The following CNTN3 variants were observed in gnomAD, a reference collection of about 807,000 sequenced individuals.
The protein encoded by CNTN3 is contactin 3, also known as contactin-3.
In CNTN3, 60 loss-of-function variants were observed where a neutral mutation model predicts 119.1. The ratio of observed to expected loss-of-function variants is 0.50; its 90% CI spans 0.41 to 0.62. CNTN3 has a LOEUF of 0.62. Ranked by LOEUF, CNTN3 falls within the 20% of genes least tolerant of loss-of-function variation. The probability of loss-of-function intolerance (pLI) is 0.00; values close to 1 mark genes in which losing one functional copy is unlikely to be tolerated. For synonymous variants in CNTN3, 450 were observed against 438.7 expected, an observed-to-expected ratio of 1.03 and a Z score of -0.32; for missense variants, 1,101 against 1,242.4, an observed-to-expected ratio of 0.89 and a Z score of 1.71.
intron 5 of CNTN3, among the ~76,000 whole-genome samples, chr3:74,407,435 A>T (rs1383863003): frequency 6.6e-4 from 90 of 136,494 alleles, no homozygotes; most frequent in Middle Eastern, 3.7e-3. Flanking sequence ...CGCCTGGCTA[A>T]TTTTTTTTTT....
At chr3:74,471,050 T>C (rs983803620) in intron 4 of CNTN3, among the ~76,000 whole-genome samples, 5 of 152,048 alleles carry the variant, frequency 3.3e-5, no homozygotes, top group African/African-American at 1.2e-4. Flanking sequence ...CTAATTTTTG[T>C]ATTTTTAGTA....
At chr3:74,290,433 T>G (rs551505326) in intron 19 of CNTN3, among the ~76,000 whole-genome samples, 1 of 152,344 alleles carries the variant, frequency 6.6e-6, no homozygotes, top group South Asian at 2.1e-4. Flanking sequence ...CATTATGTAG[T>G]GCATGACTAT....
intron 4 of CNTN3, among the ~76,000 whole-genome samples, chr3:74,477,322 C>G (rs972434546): frequency 2.0e-5 from 3 of 152,080 alleles, no homozygotes; most frequent in Non-Finnish European, 2.9e-5. Context: ...GAGCAATACA[C>G]TTTACTAAAA....
chr3:74,391,412 A>C (rs918612064), intron 5 of CNTN3, among the ~76,000 whole-genome samples: 10 of 152,258 alleles, frequency 6.6e-5, no homozygotes, highest in African/African-American at 2.4e-4. Context: ...TTCTGAGCTT[A>C]TGTTCCCAAC....
intron 2 of CNTN3, among the ~76,000 whole-genome samples, chr3:74,515,570 C>G (rs1206118892): frequency 6.6e-6 from 1 of 152,016 alleles, no homozygotes; most frequent in Non-Finnish European, 1.5e-5. Flanking sequence ...AGTATGTGTT[C>G]ACTATTCATT....
chr3:74,498,163 C>T (rs1703097915), intron 3 of CNTN3, among the ~76,000 whole-genome samples: 1 of 151,732 alleles, frequency 6.6e-6, no homozygotes, highest in Non-Finnish European at 1.5e-5. Flanking sequence ...CACATGGCTG[C>T]TTTATCATAT....
intron 4 of CNTN3, among the ~76,000 whole-genome samples, chr3:74,452,780 G>T (rs960580691): frequency 6.6e-6 from 1 of 151,090 alleles, no homozygotes; most frequent in African/African-American, 2.4e-5. Flanking sequence ...TAATCATGTG[G>T]TTTTTGTCTT....
chr3:74,579,559 TAATA>T (rs913515248), intron 1 of CNTN3, among the ~76,000 whole-genome samples: 7 of 152,060 alleles, frequency 4.6e-5, no homozygotes, highest in African/African-American at 1.7e-4. Context: ...CCAATTGAAA[TAATA>T]AATAGTATGT....
At chr3:74,422,946 G>C (rs1296465155) in intron 5 of CNTN3, among the ~76,000 whole-genome samples, 1 of 152,058 alleles carries the variant, frequency 6.6e-6, no homozygotes, top group Non-Finnish European at 1.5e-5. Flanking sequence ...CCATAAAAAA[G>C]GCTGATTCTA....
intron 2 of CNTN3, among the ~76,000 whole-genome samples, chr3:74,506,499 A>T (rs560134037): frequency 6.6e-6 from 1 of 152,236 alleles, no homozygotes; most frequent in East Asian, 1.9e-4. Flanking sequence ...TTTTCAAAGT[A>T]CTTCATAGCT....
chr3:74,378,387 T>C (rs1261071845), intron 5 of CNTN3, among the ~76,000 whole-genome samples: 5 of 152,230 alleles, frequency 3.3e-5, no homozygotes, highest in African/African-American at 1.2e-4. Flanking sequence ...TGTTGCTTTG[T>C]GGATGACACT....
chr3:74,599,542 G>T (rs1245423892), intron 1 of CNTN3, among the ~76,000 whole-genome samples: 1 of 152,062 alleles, frequency 6.6e-6, no homozygotes, highest in Non-Finnish European at 1.5e-5. Context: ...TAAGGAGCAT[G>T]CCACATGTAG....
At chr3:74,321,771 C>A (rs1702998029) in intron 13 of CNTN3, among the ~76,000 whole-genome samples, 1 of 152,090 alleles carries the variant, frequency 6.6e-6, no homozygotes, top group African/African-American at 2.4e-5. Context: ...AATGCTATGT[C>A]TACAAATTTG....
At chr3:74,420,444 T>C (rs995079472) in intron 5 of CNTN3, among the ~76,000 whole-genome samples, 1 of 152,218 alleles carries the variant, frequency 6.6e-6, no homozygotes, top group African/African-American at 2.4e-5. Flanking sequence ...TTCTGGGTTT[T>C]ATCCCAAATA....
chr3:74,471,331 C>T (rs961068106), intron 4 of CNTN3, among the ~76,000 whole-genome samples: 2 of 152,018 alleles, frequency 1.3e-5, no homozygotes. Flanking sequence ...TAACCCAGAA[C>T]TTAAAGTATA....
chr3:74,303,931 AT>A (rs1702508973), intron 13 of CNTN3, among the ~76,000 whole-genome samples: 1 of 152,190 alleles, frequency 6.6e-6, no homozygotes, highest in African/African-American at 2.4e-5. Flanking sequence ...CCCTTGGAAA[AT>A]GATCATCAGT....
At position 74,264,324 on chromosome 3, in the gene CNTN3, A is replaced by C; in HGVS notation, c.*77T>G. ...AAAATAAGAGTTGAAAAAAACATGC[A>C]TAATCACTGCATTTCATGAAAGCAC... On this transcript the variant is annotated 3_prime_UTR_variant, in exon 23 of 23. Transcript: ENST00000263665. 1 of 602,324 alleles carries C rather than the reference A, an allele frequency of 1.7e-6. No homozygotes were observed. Among genetic ancestry groups the C allele is most frequent in the South Asian group, 4.7e-5 (1 of 21,390 alleles). 37.3% of individuals were successfully genotyped at this position (602,324 alleles called of 1,614,324 possible). A position where few individuals can be genotyped will look rare whatever the true frequency, so the allele number is the denominator to read the frequency against.
chr3:74,445,089 ATCTG>A (rs1235913672), intron 4 of CNTN3, among the ~76,000 whole-genome samples: 2 of 152,164 alleles, frequency 1.3e-5, no homozygotes, highest in Admixed American at 6.5e-5. Flanking sequence ...TCCACTGAAT[ATCTG>A]TCTTTCAGTA....
intron 11 of CNTN3, among the ~76,000 whole-genome samples, chr3:74,343,757 C>T (rs144635263): frequency 6.6e-5 from 10 of 152,266 alleles, no homozygotes; most frequent in East Asian, 3.9e-4. Flanking sequence ...AGTTACCTAG[C>T]GGATTCTTCA....
Sources: allele counts gnomAD v4.1 joint callset (sites outside exome capture counted in the v4.1 genomes callset), GRCh38; gene constraint gnomAD v4.1.1; transcripts MANE v1.5; gene names NCBI Gene and HGNC (gene_info 2026-07-23, HGNC 2026-07-21).